ADGRL3: variants seen among roughly 807,000 people sequenced by gnomAD.
ADGRL3 encodes adhesion G protein-coupled receptor L3.
ADGRL3 carries 62 observed loss-of-function variants against 153.5 expected under a neutral mutation model. That is an observed-to-expected ratio of 0.40 (90% confidence interval 0.33 to 0.50). ADGRL3 has a LOEUF of 0.50. Ranked by LOEUF, ADGRL3 falls within the 20% of genes least tolerant of loss-of-function variation. The pLI is 0.47. For synonymous variants in ADGRL3, 710 were observed against 672.5 expected (o/e 1.06, Z -0.86); for missense variants, 1,641 against 1,859.4 (o/e 0.88, Z 2.16).
intron 2 of ADGRL3, among the ~76,000 whole-genome samples, chr4:61,470,535 A>G (rs2097936897): frequency 6.6e-6 from 1 of 151,988 alleles, no homozygotes; most frequent in Non-Finnish European, 1.5e-5. Flanking sequence ...TTGCTTCTTT[A>G]TAGATAAGTA....
intron 9 of ADGRL3, among the ~76,000 whole-genome samples, chr4:61,843,564 T>A (rs1438923240): frequency 6.6e-6 from 1 of 152,180 alleles, no homozygotes; most frequent in Non-Finnish European, 1.5e-5. Context: ...ACTAAGAGCA[T>A]GATAAAAAGA....
At position 61,465,777 on chromosome 4, in the gene ADGRL3, A is replaced by ATATATATATATATATC. The variant is rs1480766959; in HGVS notation, c.-173-31343_-173-31342insATATATATATATATCT. On this transcript the variant is annotated intron_variant, in intron 2 of 26. Coordinates refer to ENST00000683033, the MANE Select transcript of ADGRL3 (RefSeq NM_001387552.1). ...TATATAAATATATATATATATATAT[A>ATATATATATATATATC]TCTTATATGGAATATATATTTTCGT... 4.8e-5 allele frequency among the ~76,000 whole-genome samples: 7 copies of ATATATATATATATATC among 145,428 alleles called. No homozygotes were observed. In the East Asian group the frequency reaches 8.0e-4, roughly 17 times the overall value.
At position 61,722,024 on chromosome 4, in the gene ADGRL3, A is replaced by C. The variant is rs147013479; in HGVS notation, c.584-8598A>C. Among the ~76,000 whole-genome samples, 22 of 152,310 alleles carry C rather than the reference A, an allele frequency of 1.4e-4. No homozygotes were observed. The South Asian group carries it at 3.5e-3, about 24-fold the overall frequency. Reference sequence around the variant, plus strand: ...TATAGTAATGAATCTAAAGATTTGGATATCATTTAATTTGAGCCGATATTT... The same window carrying C: ...TATAGTAATGAATCTAAAGATTTGGCTATCATTTAATTTGAGCCGATATTT... On this transcript the variant is annotated intron_variant, in intron 6 of 26. Transcript: ENST00000683033.
intron 1 of ADGRL3, among the ~76,000 whole-genome samples, chr4:61,233,342 A>G (rs1448602048): frequency 6.6e-5 from 10 of 151,868 alleles, no homozygotes; most frequent in Admixed American, 6.6e-4. Flanking sequence ...CCTTCCTCTG[A>G]TTTTTAAGAC....
In ADGRL3 at chr4:61,255,430, T is replaced by C. The variant is rs1465594718; in HGVS notation, c.-240+53665T>C. Among the ~76,000 whole-genome samples the C allele has an allele frequency of 3.9e-5, 6 of 152,174 alleles. No individual in the cohort carries two copies. The East Asian group carries it at 7.7e-4, about 20-fold the overall frequency. ...ATGGAGAAGACTGTCATGAGTGAAC[T>C]TGGCAATTGCCTTGTTAAAACCAGT... On this transcript the variant is annotated intron_variant, in intron 1 of 26. Transcript: ENST00000683033.
Position 61,869,224 on chromosome 4 carries a change from G to A in ADGRL3, c.1481-23432G>A, listed in dbSNP as rs892423937. Among the ~76,000 whole-genome samples the A allele has an allele frequency of 2.0e-5, 3 of 151,914 alleles. No homozygotes were observed. The East Asian group carries it at 5.8e-4, about 29-fold the overall frequency. ...CTCCCAATGTGCTGGGTTTATAGGTGTGAGCCACCATGCCCAGCCCATTTT... is the reference window on the plus strand; with the variant it reads ...CTCCCAATGTGCTGGGTTTATAGGTATGAGCCACCATGCCCAGCCCATTTT... On this transcript the variant is annotated intron_variant, in intron 9 of 26. Transcript: ENST00000683033.
intron 1 of ADGRL3, among the ~76,000 whole-genome samples, chr4:61,337,272 G>A (rs1052518735): frequency 5.3e-5 from 8 of 152,120 alleles, no homozygotes; most frequent in Non-Finnish European, 8.8e-5. Context: ...CCTCTTGTCT[G>A]TGGGGCCTTG....
rs1279232517 is a variant in ADGRL3 at position 61,393,566 on chromosome 4, TTTAC to T, written c.-174+10381_-174+10384del. On this transcript the variant is annotated intron_variant, in intron 2 of 26. Transcript: ENST00000683033. ...AAAATGTCAATAATAATTTAGAGCC[TTTAC>T]TTAATTATGAAACACAGGCTTTATT... Among the ~76,000 whole-genome samples, 6 of 152,206 alleles carry T rather than the reference TTTAC, an allele frequency of 3.9e-5. No homozygotes were observed. The East Asian group carries it at 9.6e-4, about 24-fold the overall frequency.
chr4:61,989,943 G>A lies in ADGRL3; in HGVS notation c.3236+6340G>A, dbSNP rs187502729. 9.9e-5 allele frequency among the ~76,000 whole-genome samples: 15 copies of A among 152,104 alleles called. No individual in the cohort carries two copies. In the East Asian group the frequency reaches 2.7e-3, roughly 27 times the overall value. On this transcript the variant is annotated intron_variant, in intron 19 of 26. Coordinates refer to ENST00000683033, the MANE Select transcript of ADGRL3 (RefSeq NM_001387552.1). ...ATGAGAACCCTCATATATTGCTGGT[G>A]GCAGTGTCAAATGGTGTAGCTAGCT...
At chr4:61,446,592 A>T (rs1260577194) in intron 2 of ADGRL3, among the ~76,000 whole-genome samples, 1 of 152,168 alleles carries the variant, frequency 6.6e-6, no homozygotes, top group South Asian at 2.1e-4. Context: ...GTCTGGCGCC[A>T]TGTTGCCTTG....
At chr4:61,803,161 C>T (rs746977537) in intron 8 of ADGRL3, among the ~76,000 whole-genome samples, 21 of 151,872 alleles carry the variant, frequency 1.4e-4, no homozygotes, top group Admixed American at 6.6e-4. Context: ...TTTGTTTAAG[C>T]ATAAAGTAAA....
chr4:61,908,891 G>A (rs1458076613), intron 11 of ADGRL3, among the ~76,000 whole-genome samples: 2 of 151,916 alleles, frequency 1.3e-5, no homozygotes, highest in Admixed American at 1.3e-4. Context: ...GTGATGATGA[G>A]GTATTAGGTC....
At chr4:61,853,572 T>C (rs943022494) in intron 9 of ADGRL3, among the ~76,000 whole-genome samples, 19 of 152,202 alleles carry the variant, frequency 1.2e-4, no homozygotes, top group African/African-American at 4.6e-4. Flanking sequence ...CTACAAAGTT[T>C]TATTATTACT....
intron 2 of ADGRL3, among the ~76,000 whole-genome samples, chr4:61,437,376 A>G (rs1404294517): frequency 6.6e-6 from 1 of 152,170 alleles, no homozygotes; most frequent in Non-Finnish European, 1.5e-5. Context: ...AGTATAACAT[A>G]TTACTGACAG....
chr4:61,918,180 G>T (rs1275226960), intron 13 of ADGRL3, among the ~76,000 whole-genome samples: 1 of 152,136 alleles, frequency 6.6e-6, no homozygotes, highest in Non-Finnish European at 1.5e-5. Context: ...CTAAGAGATT[G>T]TATAGAGTTT....
At chr4:61,875,035 C>G (rs1036184740) in intron 9 of ADGRL3, among the ~76,000 whole-genome samples, 1 of 151,308 alleles carries the variant, frequency 6.6e-6, no homozygotes, top group African/African-American at 2.4e-5. Context: ...GTCTCGATCT[C>G]CTGACCTCAT....
At chr4:61,640,899 TA>T (rs1463613621) in intron 5 of ADGRL3, among the ~76,000 whole-genome samples, 1 of 152,202 alleles carries the variant, frequency 6.6e-6, no homozygotes, top group African/African-American at 2.4e-5. Context: ...AGGTTCTGCT[TA>T]ATATTCTTCT....
intron 1 of ADGRL3, among the ~76,000 whole-genome samples, chr4:61,268,720 A>C (rs2092994086): frequency 6.6e-6 from 1 of 151,736 alleles, no homozygotes; most frequent in South Asian, 2.1e-4. Flanking sequence ...TACATTATAT[A>C]AAATTAAATG....
At chr4:62,020,699 T>C (rs2099233790) in intron 21 of ADGRL3, among the ~76,000 whole-genome samples, 1 of 152,136 alleles carries the variant, frequency 6.6e-6, no homozygotes. Context: ...AACTTAAATT[T>C]CTAATTGAAT....
Sources: gnomAD v4.1 joint callset for allele counts (sites outside exome capture counted in the v4.1 genomes callset) on GRCh38, gnomAD v4.1.1 for gene constraint, MANE v1.5 for transcripts, NCBI Gene and HGNC (gene_info 2026-07-23, HGNC 2026-07-21) for gene names.